Variants in C8orf34 observed in about 807,000 individuals in gnomAD.
C8orf34 encodes uncharacterized protein C8orf34.
Under a neutral mutation model 68.3 loss-of-function variants are expected in C8orf34, and 65 were observed. That is an observed-to-expected ratio of 0.95 (90% CI 0.78 to 1.17). The LOEUF is 1.17. Among genes scored for constraint, C8orf34 ranks in the 50% most tolerant of loss-of-function variants. The probability of loss-of-function intolerance (pLI) is 0.00; values close to 1 mark genes in which losing one functional copy is unlikely to be tolerated. For synonymous variants in C8orf34, 244 were observed against 241.2 expected, an observed-to-expected ratio of 1.01 and a Z score of -0.11; for missense variants, 664 against 655.4, an observed-to-expected ratio of 1.01 and a Z score of -0.14.
chr8:68,692,143 G>C (rs1421223810), intron 8 of C8orf34, among the ~76,000 whole-genome samples: 2 of 152,038 alleles, frequency 1.3e-5, no homozygotes, highest in Non-Finnish European at 2.9e-5. Context: ...GCTGGCAGAT[G>C]ATGAGTGGAC....
intron 10 of C8orf34, among the ~76,000 whole-genome samples, chr8:68,743,677 G>C (rs1233137844): frequency 6.6e-6 from 1 of 152,202 alleles, no homozygotes; most frequent in South Asian, 2.1e-4. Context: ...TTTCCCGACG[G>C]GCTTAAAAAA....
At chr8:68,418,424 T>C (rs1304779655) in intron 1 of C8orf34, among the ~76,000 whole-genome samples, 1 of 152,148 alleles carries the variant, frequency 6.6e-6, no homozygotes, top group East Asian at 1.9e-4. Context: ...TGATATTGGC[T>C]GTGGGTTTGT....
intron 10 of C8orf34, among the ~76,000 whole-genome samples, chr8:68,733,494 T>A (rs1822040342): frequency 6.6e-6 from 1 of 152,224 alleles, no homozygotes; most frequent in African/African-American, 2.4e-5. Flanking sequence ...TCCTTCCTTT[T>A]GTTCTTCTTT....
intron 1 of C8orf34, among the ~76,000 whole-genome samples, chr8:68,395,391 AC>A (rs1808660414): frequency 6.6e-6 from 1 of 151,514 alleles, no homozygotes; most frequent in African/African-American, 2.4e-5. Context: ...ACACACACAC[AC>A]ACACAAACAC....
In C8orf34 at chr8:68,609,230, A is replaced by C. The variant is rs535206086; in HGVS notation, c.1106-31146A>C. ...ATAGGTTGGAAGTAAGAGAGAGGAG[A>C]GTTGAGAGTGGAATAGGAGTCAAAA... is the stretch of plus-strand genomic sequence containing the variant. On this transcript the variant is annotated intron_variant, in intron 7 of 13. Coordinates refer to ENST00000518698, the MANE Select transcript of C8orf34 (RefSeq NM_052958.4). Among the ~76,000 whole-genome samples the C allele has an allele frequency of 3.3e-5, 5 of 152,142 alleles. No individual in the cohort carries two copies. In the East Asian group the frequency reaches 9.7e-4, roughly 30 times the overall value.
chr8:68,656,317 A>T (rs781654858), intron 8 of C8orf34, among the ~76,000 whole-genome samples: 1 of 152,244 alleles, frequency 6.6e-6, no homozygotes, highest in Non-Finnish European at 1.5e-5. Flanking sequence ...TATTTATAGA[A>T]TAAATTAGAC....
chr8:68,816,591 TCACCC>T (rs1417879862), intron 13 of C8orf34, among the ~76,000 whole-genome samples: 1 of 152,128 alleles, frequency 6.6e-6, no homozygotes, highest in African/African-American at 2.4e-5. Context: ...TACCAAATGG[TCACCC>T]AGACTCTACA....
intron 1 of C8orf34, among the ~76,000 whole-genome samples, chr8:68,426,433 C>T (rs759718761): frequency 2.7e-5 from 4 of 145,910 alleles, no homozygotes; most frequent in East Asian, 2.1e-4. Context: ...GTGGGAAAAT[C>T]GCTTCAACCT....
chr8:68,491,777 G>A (rs549938080), intron 5 of C8orf34, among the ~76,000 whole-genome samples: 3 of 152,230 alleles, frequency 2.0e-5, no homozygotes, highest in Non-Finnish European at 2.9e-5. Flanking sequence ...CACAGGTTTC[G>A]GGTATTAGGA....
chr8:68,595,583 T>G (rs1817525063), intron 7 of C8orf34, among the ~76,000 whole-genome samples: 1 of 152,104 alleles, frequency 6.6e-6, no homozygotes, highest in African/African-American at 2.4e-5. Context: ...TAATCCATTC[T>G]TTAGATATTC....
intron 1 of C8orf34, among the ~76,000 whole-genome samples, chr8:68,397,991 A>T (rs1013538217): frequency 6.6e-6 from 1 of 151,820 alleles, no homozygotes; most frequent in African/African-American, 2.4e-5. Flanking sequence ...CTGGTCTCGA[A>T]CTCCTGGCCT....
At chr8:68,459,463 C>A (rs1264620311) in intron 3 of C8orf34, among the ~76,000 whole-genome samples, 1 of 152,100 alleles carries the variant, frequency 6.6e-6, no homozygotes, top group African/African-American at 2.4e-5. Context: ...GAGCTCCTGA[C>A]CTCGTGATCC....
intron 7 of C8orf34, among the ~76,000 whole-genome samples, chr8:68,634,530 G>A (rs761976350): frequency 2.6e-5 from 4 of 151,906 alleles, no homozygotes; most frequent in Non-Finnish European, 5.9e-5. Context: ...AATTTTCCTC[G>A]GTTTAGGCAT....
At chr8:68,457,066 G>T (rs796533765) in intron 3 of C8orf34, among the ~76,000 whole-genome samples, 2 of 152,096 alleles carry the variant, frequency 1.3e-5, no homozygotes, top group Non-Finnish European at 2.9e-5. Context: ...AAATATGTTG[G>T]TTTAGGTTAA....
At chr8:68,567,377 C>T (rs1266806092) in intron 7 of C8orf34, among the ~76,000 whole-genome samples, 1 of 151,848 alleles carries the variant, frequency 6.6e-6, no homozygotes, top group Non-Finnish European at 1.5e-5. Flanking sequence ...GGAATTTGTC[C>T]ATCTCTTCTG....
intron 8 of C8orf34, among the ~76,000 whole-genome samples, chr8:68,650,024 C>G (rs1281772985): frequency 6.8e-6 from 1 of 147,474 alleles, no homozygotes; most frequent in Non-Finnish European, 1.5e-5. Context: ...ATCAAATATA[C>G]ATTTAAATTC....
intron 10 of C8orf34, among the ~76,000 whole-genome samples, chr8:68,770,772 T>C (rs2129528355): frequency 6.6e-6 from 1 of 152,280 alleles, no homozygotes; most frequent in South Asian, 2.1e-4. Flanking sequence ...TTAACATTCT[T>C]AGTGTTAAAT....
chr8:68,534,768 C>T, intron 7 of C8orf34: 1 of 985,360 alleles, frequency 1.0e-6, no homozygotes, highest in East Asian at 1.1e-4. Flanking sequence ...TCCAGGGTTT[C>T]TTTCAGGAGA....
intron 7 of C8orf34, among the ~76,000 whole-genome samples, chr8:68,605,860 C>A (rs563906770): frequency 6.6e-6 from 1 of 152,162 alleles, no homozygotes; most frequent in East Asian, 1.9e-4. Context: ...TGCCCTAATG[C>A]AAACTATGGA....
Sources: gnomAD v4.1 joint callset for allele counts (sites outside exome capture counted in the v4.1 genomes callset) on GRCh38, gnomAD v4.1.1 for gene constraint, MANE v1.5 for transcripts, NCBI Gene and HGNC (gene_info 2026-07-23, HGNC 2026-07-21) for gene names.